The following MYO16 variants were observed in gnomAD, a reference collection of about 807,000 sequenced individuals.
The protein encoded by MYO16 is myosin XVI, also known as unconventional myosin-XVI.
A neutral mutation model predicts 205.3 loss-of-function variants in MYO16; 94 were observed. The observed-to-expected ratio is 0.46, with a 90% CI of 0.39 to 0.54. The LOEUF (loss-of-function observed/expected upper bound fraction) is 0.54. Ranked by LOEUF, MYO16 falls within the 20% of genes least tolerant of loss-of-function variation. MYO16 has a pLI of 0.00. For missense variants in MYO16, 2,315 were observed against 2,387.5 expected, an observed-to-expected ratio of 0.97 and a Z score of 0.63; for synonymous variants, 988 against 954.0, an observed-to-expected ratio of 1.04 and a Z score of -0.66.
At chr13:108,829,118 A>C (rs1438487396) in intron 9 of MYO16, among the ~76,000 whole-genome samples, 1 of 152,160 alleles carries the variant, frequency 6.6e-6, no homozygotes, top group East Asian at 1.9e-4. Flanking sequence ...AAATGGGGGC[A>C]GTCTTGATGA....
chr13:109,031,836 A>G (rs939357207), intron 23 of MYO16, among the ~76,000 whole-genome samples: 2 of 152,156 alleles, frequency 1.3e-5, no homozygotes, highest in African/African-American at 4.8e-5. Context: ...TATTTGCTTT[A>G]CTTGGCACTC....
chr13:108,936,969 T>C (rs1490754908), intron 16 of MYO16, among the ~76,000 whole-genome samples: 2 of 152,220 alleles, frequency 1.3e-5, no homozygotes, highest in African/African-American at 4.8e-5. Flanking sequence ...AGTGTGTTTT[T>C]TTGGTATCAG....
chr13:108,852,982 G>A (rs1392565385), intron 10 of MYO16, among the ~76,000 whole-genome samples: 3 of 152,226 alleles, frequency 2.0e-5, no homozygotes, highest in African/African-American at 4.8e-5. Flanking sequence ...AGAGGTAGAT[G>A]AGCTCGCATT....
chr13:109,077,342 T>G (rs905238344), intron 27 of MYO16, among the ~76,000 whole-genome samples: 1 of 152,094 alleles, frequency 6.6e-6, no homozygotes, highest in Non-Finnish European at 1.5e-5. Context: ...TTTAGAGCAA[T>G]TGCAGGTACA....
At chr13:108,501,643 A>C in the MYO16 span, among the ~76,000 whole-genome samples, 3 of 152,340 alleles carry the variant, frequency 2.0e-5, no homozygotes, top group African/African-American at 7.2e-5. Flanking sequence ...ATAGCTGGAA[A>C]CAAGAAGCCA....
At chr13:109,023,709 A>ATTACAAATATATGTATATATGTATATAT (rs1555325352) in intron 23 of MYO16, among the ~76,000 whole-genome samples, 4 of 124,144 alleles carry the variant, frequency 3.2e-5, no homozygotes, top group South Asian at 4.9e-4. Context: ...ATATGTATAT[A>ATTACAAATATATGTATATATGTATATAT]TACAAATATA....
At chr13:109,161,845 A>G (rs1878401548) in intron 32 of MYO16, among the ~76,000 whole-genome samples, 1 of 152,256 alleles carries the variant, frequency 6.6e-6, no homozygotes, top group Non-Finnish European at 1.5e-5. Context: ...CTGAAATCCC[A>G]GCACTATGGG....
chr13:109,087,239 A>C lies in MYO16; in HGVS notation c.3336-13546A>C, dbSNP rs187868034. ...TAACTTCTCAGTGATGTGCTAATCA[A>C]TTGCACTGGCAATGATATTCTGAAC... On this transcript the variant is annotated intron_variant, in intron 27 of 34. Coordinates refer to ENST00000457511, the MANE Select transcript of MYO16 (RefSeq NM_001198950.3). 5.8e-4 allele frequency among the ~76,000 whole-genome samples: 88 copies of C among 152,360 alleles called. 2 individuals carry two copies. Among genetic ancestry groups the C allele is most frequent in the Admixed American group, 1.0e-3 (16 of 15,308 alleles).
chr13:108,530,262 GAATTACTGGGAACCAAAAGCAAAA>G, the MYO16 span, among the ~76,000 whole-genome samples: 2 of 152,146 alleles, frequency 1.3e-5, no homozygotes, highest in Non-Finnish European at 2.9e-5. Context: ...GTCGAAGGAC[GAATTACTGGGAACCAAAAGCAAAA>G]GAGGAGATGT....
chr13:108,962,411 GA>G lies in MYO16; in HGVS notation c.2156-12del. 6.3e-7 allele frequency: 1 copy of G among 1,597,740 alleles called. No homozygotes were observed. Among genetic ancestry groups the G allele is most frequent in the Non-Finnish European group, 8.5e-7 (1 of 1,171,246 alleles). ...ATACTAACTTTATGTTTATAATGCT[GA>G]TTTAATTTTAGTGGCTGGAATGTTA... On this transcript the variant is annotated splice_polypyrimidine_tract_variant and intron_variant, in intron 18 of 34. Transcript: ENST00000457511.
intron 4 of MYO16, among the ~76,000 whole-genome samples, chr13:108,754,496 T>G (rs1885356670): frequency 6.6e-6 from 1 of 151,262 alleles, no homozygotes; most frequent in Non-Finnish European, 1.5e-5. Flanking sequence ...TGAATAAAAC[T>G]GCTAGTTACA....
At chr13:108,972,680 C>T (rs1292014074) in intron 20 of MYO16, among the ~76,000 whole-genome samples, 3 of 151,386 alleles carry the variant, frequency 2.0e-5, no homozygotes, top group African/African-American at 7.3e-5. Flanking sequence ...CGAGGATCAT[C>T]GATTTGCATT....
At chr13:108,828,868 G>A (rs536162032) in intron 9 of MYO16, among the ~76,000 whole-genome samples, 5 of 152,170 alleles carry the variant, frequency 3.3e-5, no homozygotes, top group Non-Finnish European at 7.3e-5. Flanking sequence ...GCATCCTTGG[G>A]GAGGGGGCTC....
chr13:108,788,467 C>G (rs139717682), intron 5 of MYO16, among the ~76,000 whole-genome samples: 1 of 152,078 alleles, frequency 6.6e-6, no homozygotes, highest in African/African-American at 2.4e-5. Context: ...ACAGGAGAGC[C>G]CAAGGAGCAC....
the MYO16 span, among the ~76,000 whole-genome samples, chr13:108,557,335 T>C: frequency 6.6e-6 from 1 of 152,184 alleles, no homozygotes; most frequent in Non-Finnish European, 1.5e-5. Context: ...AATGCACAGG[T>C]CTTTCATCTA....
chr13:108,890,011 A>AAG (rs1306902285), intron 14 of MYO16, among the ~76,000 whole-genome samples: 2 of 152,020 alleles, frequency 1.3e-5, no homozygotes, highest in African/African-American at 4.8e-5. Flanking sequence ...CATTCACCGC[A>AAG]GCCTCAACTT....
At chr13:109,117,517 A>T (rs529694510) in intron 28 of MYO16, among the ~76,000 whole-genome samples, 1 of 148,356 alleles carries the variant, frequency 6.7e-6, no homozygotes, top group Non-Finnish European at 1.5e-5. Context: ...ATATGTATGT[A>T]TATATATATA....
rs1887269184 is a variant in MYO16 at position 109,052,280 on chromosome 13, T to G, written c.2873-20T>G. On this transcript the variant is annotated intron_variant, in intron 24 of 34. Transcript: ENST00000457511. ...AATAATTTTAGTGCCACTTACGATA[T>G]TCATTTATTTATTTCCTAGCTAGTG... The G allele has an allele frequency of 1.2e-6, 2 of 1,602,138 alleles. No individual in the cohort carries two copies. Among genetic ancestry groups the G allele is most frequent in the African/African-American group, 2.7e-5 (2 of 74,664 alleles).
At chr13:109,102,367 A>G (rs1888994454) in intron 28 of MYO16, among the ~76,000 whole-genome samples, 1 of 152,180 alleles carries the variant, frequency 6.6e-6, no homozygotes, top group East Asian at 1.9e-4. Context: ...GATTTTGAAT[A>G]AGTAATTATA....
Sources: allele counts gnomAD v4.1 joint callset (sites outside exome capture counted in the v4.1 genomes callset), GRCh38; gene constraint gnomAD v4.1.1; transcripts MANE v1.5; gene names NCBI Gene and HGNC (gene_info 2026-07-23, HGNC 2026-07-21).